Variants in RAD17 observed in about 807,000 individuals in gnomAD.
RAD17 encodes the protein RAD17 checkpoint clamp loader component, also known as cell cycle checkpoint protein RAD17.
In RAD17, 31 loss-of-function variants were observed where a neutral mutation model predicts 81.5. The observed-to-expected ratio is 0.38, with a 90% CI of 0.29 to 0.51. The LOEUF is 0.51. Ranked by LOEUF, RAD17 falls within the 20% of genes least tolerant of loss-of-function variation. The pLI, the probability that RAD17 is intolerant of heterozygous loss-of-function variation, is 0.88. For missense variants in RAD17, 681 were observed against 781.2 expected, an observed-to-expected ratio of 0.87 and a Z score of 1.53; for synonymous variants, 261 against 266.2, an observed-to-expected ratio of 0.98 and a Z score of 0.19.
Position 69,399,664 on chromosome 5 carries a change from C to T in RAD17, c.1573-385C>T, listed in dbSNP as rs984687490. On this transcript the variant is annotated intron_variant, in intron 16 of 18. Transcript: ENST00000354868. ...TAGCTTCTTGAAGGCAGGGATTGTG[C>T]TTTTCTCTTGCTCAGCATAACGTGT... is the stretch of plus-strand genomic sequence containing the variant. 3.5e-5 allele frequency among the ~76,000 whole-genome samples: 5 copies of T among 144,374 alleles called. No individual in the cohort carries two copies. In the South Asian group the frequency reaches 1.2e-3, roughly 34 times the overall value. 94.7% of individuals were successfully genotyped at this position (144,374 alleles called of 152,430 possible).
intron 15 of RAD17, among the ~76,000 whole-genome samples, chr5:69,394,432 GAGAA>G (rs956475534): frequency 1.3e-5 from 2 of 151,938 alleles, no homozygotes; most frequent in African/African-American, 2.4e-5. Flanking sequence ...GTAGATACAA[GAGAA>G]AGAACTGTAC....
At chr5:69,394,264 G>A (rs1764737851) in intron 15 of RAD17, among the ~76,000 whole-genome samples, 1 of 149,720 alleles carries the variant, frequency 6.7e-6, no homozygotes, top group Non-Finnish European at 1.5e-5. Flanking sequence ...GGTTCACCAT[G>A]TTACCCATGC....
chr5:69,373,477 A>G (rs1763130974), intron 4 of RAD17, among the ~76,000 whole-genome samples: 1 of 152,064 alleles, frequency 6.6e-6, no homozygotes, highest in African/African-American at 2.4e-5. Context: ...ATGTGAGAGG[A>G]TCACTTGAGC....
In RAD17 at chr5:69,389,138, T is replaced by C; in HGVS notation, c.999T>C (p.Ser333=). The change falls in exon 12 of 19, where the codon TCT becomes TCC. Residue 333 remains serine (S), a synonymous_variant. Coordinates refer to ENST00000354868, the MANE Select transcript of RAD17 (RefSeq NM_133338.3). ...CAATAAACAGCCTCCAGTTTTCTTC[T>C]TCAAAAGGTAACTATGGAAGATACA... The part of the protein sequence containing the change: ...RSAINSLQFS[S]SKGENNLRPR... 1.3e-6 allele frequency: 2 copies of C among 1,574,576 alleles called. No homozygotes were observed. Among genetic ancestry groups the C allele is most frequent in the South Asian group, 2.4e-5 (2 of 85,090 alleles).
Position 69,385,053 on chromosome 5 carries a change from A to G in RAD17, c.645+120A>G, listed in dbSNP as rs538434506. On this transcript the variant is annotated intron_variant, in intron 8 of 18. Coordinates refer to ENST00000354868, the MANE Select transcript of RAD17 (RefSeq NM_133338.3). Reference sequence around the variant, plus strand: ...CAGCTCATTGCAAGCTCTGCCTCCCAGGTTCACGCCATTCTCCTGCCTCAG... The same window carrying G: ...CAGCTCATTGCAAGCTCTGCCTCCCGGGTTCACGCCATTCTCCTGCCTCAG... 156 of 842,800 alleles carry G rather than the reference A, an allele frequency of 1.9e-4. 2 individuals are homozygous for G. The highest frequency in any genetic ancestry group is 1.2e-3 in the East Asian group (34 of 27,724). 52.2% of individuals were successfully genotyped at this position (842,800 alleles called of 1,614,324 possible).
chr5:69,377,385 A>G (rs1401984013), intron 6 of RAD17, among the ~76,000 whole-genome samples: 1 of 142,992 alleles, frequency 7.0e-6, no homozygotes, highest in African/African-American at 2.7e-5. Context: ...TGGTGTTACT[A>G]TTATTATTCT....
intron 5 of RAD17, 52 bp downstream of exon 5, chr5:69,374,139 A>G (rs780114755): frequency 7.0e-7 from 1 of 1,438,470 alleles, no homozygotes; most frequent in South Asian, 1.3e-5. Context: ...AGGGTGCATA[A>G]GGGTAGATGG....
intron 17 of RAD17, among the ~76,000 whole-genome samples, chr5:69,401,189 C>G (rs1765243196): frequency 6.6e-6 from 1 of 152,192 alleles, no homozygotes; most frequent in Non-Finnish European, 1.5e-5. Context: ...GCCTGGGCGA[C>G]AGAGCAAGAC....
intron 4 of RAD17, among the ~76,000 whole-genome samples, 157 bp from the exon 5 acceptor site, chr5:69,373,673 C>A (rs1321424150): frequency 7.0e-6 from 1 of 143,492 alleles, no homozygotes; most frequent in Admixed American, 7.2e-5. Context: ...GAGTGAGACC[C>A]GGTCTCAAAA....
chr5:69,382,162 T>G, intron 7 of RAD17, 105 bp downstream of exon 7: 1 of 1,321,290 alleles, frequency 7.6e-7, no homozygotes, highest in Non-Finnish European at 1.1e-6. Context: ...CTTCTTGCTT[T>G]CAGAGGGATG....
chr5:69,400,642 G>A (rs981342908), intron 17 of RAD17, among the ~76,000 whole-genome samples: 5 of 148,306 alleles, frequency 3.4e-5, no homozygotes, highest in African/African-American at 9.9e-5. Context: ...TTTTTAAAAC[G>A]CATCAAACAG....
chr5:69,397,150 T>G (rs1365264682), intron 16 of RAD17, among the ~76,000 whole-genome samples: 1 of 151,800 alleles, frequency 6.6e-6, no homozygotes, highest in African/African-American at 2.4e-5. Context: ...TTTTTTATTT[T>G]TTATTTTTAT....
intron 17 of RAD17, among the ~76,000 whole-genome samples, chr5:69,401,070 C>T (rs955848033): frequency 2.1e-5 from 3 of 139,856 alleles, no homozygotes; most frequent in African/African-American, 5.4e-5. Context: ...ATTAGCCAGG[C>T]GTGGTGGCAC....
chr5:69,374,682 G>A lies in RAD17; in HGVS notation c.322G>A (p.Ala108Thr). 3 of 1,612,088 alleles carry A rather than the reference G, an allele frequency of 1.9e-6. No homozygotes were observed. Among genetic ancestry groups the A allele is most frequent in the Middle Eastern group, 3.3e-4 (2 of 6,048 alleles). The change falls in exon 6 of 19, where the codon GCT (alanine) becomes ACT (threonine). Residue 108 changes from alanine (A) to threonine (T), a missense_variant. Physicochemically the swap from Ala to Thr is moderately conservative, Grantham distance 58 (BLOSUM62 0). Transcript: ENST00000354868. ...TGAAGAAGTCGAAACCTGGTTAAAAGCTCAAGTTTTAGAAAGGCAACCAAA... is the reference window on the plus strand; with the variant it reads ...TGAAGAAGTCGAAACCTGGTTAAAAACTCAAGTTTTAGAAAGGCAACCAAA... ...KIEEVETWLK[A>T]QVLERQPKQG...
In RAD17 at chr5:69,377,561, A is replaced by G. The variant is rs779866377; in HGVS notation, c.351+2850A>G. On this transcript the variant is annotated intron_variant, in intron 6 of 18. Transcript: ENST00000354868. ...TACGTATATATATGCATATATATGT[A>G]TATATATATGCATATATATGTATAC... is the stretch of plus-strand genomic sequence containing the variant. Among the ~76,000 whole-genome samples the G allele has an allele frequency of 1.0e-2, 77 of 7,732 alleles. 3 individuals are homozygous for G. Among genetic ancestry groups the G allele is most frequent in the Non-Finnish European group, 0.021 (43 of 2,000 alleles). 5.1% of individuals were successfully genotyped at this position (7,732 alleles called of 152,430 possible). A position where few individuals can be genotyped will look rare whatever the true frequency, so the allele number is the denominator to read the frequency against.
intron 7 of RAD17, among the ~76,000 whole-genome samples, 196 bp from the exon 8 acceptor site, chr5:69,384,601 C>T (rs1441045099): frequency 1.3e-5 from 2 of 152,160 alleles, no homozygotes; most frequent in Non-Finnish European, 2.9e-5. Context: ...CAGGCGTGAG[C>T]CACTGTGCCT....
At chr5:69,390,109 T>G (rs2150826984) in intron 12 of RAD17, among the ~76,000 whole-genome samples, 2 of 152,350 alleles carry the variant, frequency 1.3e-5, no homozygotes, top group African/African-American at 4.8e-5. Flanking sequence ...ACTGTAATGG[T>G]CATCGTTTAC....
intron 6 of RAD17, among the ~76,000 whole-genome samples, chr5:69,377,167 C>T (rs1763386492): frequency 6.6e-6 from 1 of 151,902 alleles, no homozygotes; most frequent in African/African-American, 2.4e-5. Flanking sequence ...CATTGGTATT[C>T]CTCTGATGTT....
Position 69,372,144 on chromosome 5 carries a change from C to T in RAD17, c.-65C>T. On this transcript the variant is annotated 5_prime_UTR_variant, in exon 4 of 19. Transcript: ENST00000354868. The stretch of plus-strand genomic sequence containing the variant: ...CTATAATGAAAGATATTTTCATACT[C>T]TCAAAAATATAGAGGAAAGGGGCCA... The T allele has an allele frequency of 2.6e-6, 4 of 1,552,412 alleles. No individual in the cohort carries two copies. The highest frequency in any genetic ancestry group is 3.5e-6 in the Non-Finnish European group (4 of 1,142,202).
Sources: gnomAD v4.1 joint callset for allele counts (sites outside exome capture counted in the v4.1 genomes callset) on GRCh38, gnomAD v4.1.1 for gene constraint, MANE v1.5 for transcripts, NCBI Gene and HGNC (gene_info 2026-07-23, HGNC 2026-07-21) for gene names.